KIF6: variants seen among roughly 807,000 people sequenced by gnomAD.
The protein encoded by KIF6 is kinesin-like protein KIF6.
In KIF6, 106 loss-of-function variants were observed where a neutral mutation model predicts 112.7. That is an observed-to-expected ratio of 0.94 (90% CI 0.80 to 1.11). KIF6 has a LOEUF of 1.11. KIF6 is among the 50% of genes least tolerant of loss of function. The pLI is 0.00. For synonymous variants in KIF6, 339 were observed against 339.9 expected, an observed-to-expected ratio of 1.00 and a Z score of 0.03; for missense variants, 929 against 964.0, an observed-to-expected ratio of 0.96 and a Z score of 0.48.
chr6:39,591,462 G>C (rs1255721555), intron 7 of KIF6, among the ~76,000 whole-genome samples: 2 of 152,146 alleles, frequency 1.3e-5, no homozygotes, highest in East Asian at 3.9e-4. Context: ...ATGTTTTAAA[G>C]ATTAATAGAG....
At chr6:39,587,806 A>G (rs972688547) in intron 7 of KIF6, among the ~76,000 whole-genome samples, 1 of 151,972 alleles carries the variant, frequency 6.6e-6, no homozygotes, top group African/African-American at 2.4e-5. Context: ...TTCTCCTACA[A>G]TTACCTCCTC....
chr6:39,515,796 A>G (rs1380929442), intron 13 of KIF6, among the ~76,000 whole-genome samples: 1 of 152,176 alleles, frequency 6.6e-6, no homozygotes, highest in Non-Finnish European at 1.5e-5. Context: ...TCAAATTCCA[A>G]GACAATAATT....
intron 13 of KIF6, among the ~76,000 whole-genome samples, chr6:39,523,736 C>T (rs1777541524): frequency 7.7e-6 from 1 of 130,370 alleles, no homozygotes; most frequent in Non-Finnish European, 1.6e-5. Flanking sequence ...ACTACCTCTT[C>T]CAGACAGGTT....
intron 15 of KIF6, among the ~76,000 whole-genome samples, chr6:39,404,787 C>A (rs941261533): frequency 6.6e-5 from 10 of 151,986 alleles, no homozygotes; most frequent in African/African-American, 1.9e-4. Flanking sequence ...TATATTGAGT[C>A]TTTTAATCCA....
chr6:39,623,715 T>C (rs1783943778), intron 5 of KIF6, among the ~76,000 whole-genome samples: 1 of 152,160 alleles, frequency 6.6e-6, no homozygotes, highest in Non-Finnish European at 1.5e-5. Flanking sequence ...TAGAATTCAA[T>C]GTAAAAACAC....
At chr6:39,347,137 C>G (rs1230278590) in intron 19 of KIF6, among the ~76,000 whole-genome samples, 2 of 152,204 alleles carry the variant, frequency 1.3e-5, no homozygotes, top group African/African-American at 2.4e-5. Context: ...CATGAGAAAA[C>G]TGAGGCTTAG....
At chr6:39,536,718 G>A (rs1778449948) in intron 13 of KIF6, among the ~76,000 whole-genome samples, 2 of 151,192 alleles carry the variant, frequency 1.3e-5, no homozygotes, top group South Asian at 4.2e-4. Flanking sequence ...CATTTTATGA[G>A]GCCAGCATCA....
chr6:39,373,278 G>T (rs769399510), intron 16 of KIF6, among the ~76,000 whole-genome samples: 163 of 152,330 alleles, frequency 1.1e-3, no homozygotes, highest in Non-Finnish European at 1.2e-3. Context: ...GCCCCTTCTT[G>T]GATGTGATTG....
At chr6:39,381,099 G>A (rs1766892341) in intron 16 of KIF6, among the ~76,000 whole-genome samples, 1 of 152,038 alleles carries the variant, frequency 6.6e-6, no homozygotes, top group Non-Finnish European at 1.5e-5. Context: ...CTAAATCTTT[G>A]TTCCTTTGGG....
At chr6:39,369,739 C>A (rs1765825319) in intron 16 of KIF6, among the ~76,000 whole-genome samples, 1 of 152,172 alleles carries the variant, frequency 6.6e-6, no homozygotes, top group Non-Finnish European at 1.5e-5. Flanking sequence ...ACCCTAGGGC[C>A]ATACACCATA....
chr6:39,420,727 C>T (rs115436067), intron 14 of KIF6, among the ~76,000 whole-genome samples: 186 of 152,198 alleles, frequency 1.2e-3, no homozygotes, highest in African/African-American at 4.4e-3. Context: ...TACACGTATC[C>T]ACCCCGTCTT....
At chr6:39,592,473 G>A (rs1406481953) in intron 7 of KIF6, among the ~76,000 whole-genome samples, 1 of 152,144 alleles carries the variant, frequency 6.6e-6, no homozygotes, top group Admixed American at 6.5e-5. Flanking sequence ...AAAACTCTGA[G>A]AAAGTCCCAT....
chr6:39,540,081 G>A lies in KIF6; in HGVS notation c.1567C>T (p.Arg523Ter), dbSNP rs145150015. The A allele has an allele frequency of 9.5e-5, 153 of 1,614,078 alleles. No homozygotes were observed. The highest frequency in any genetic ancestry group is 1.1e-4 in the Non-Finnish European group (133 of 1,179,986). Residue 523 changes from arginine to a stop codon, truncating the protein, a stop_gained, in exon 13 of 23, where the codon CGA (arginine) becomes TGA (stop). Transcript: ENST00000287152. LOFTEE classifies it high-confidence loss of function. ...GCCTGTGAGGGAGCTGAGGATAGTC[G>A]CATTCTTTGACCTTCTTCTGGGTTT... ...LGNPEEGQRMRLSSAPSQAQD... is the reference protein window; with the variant it reads ...LGNPEEGQRM
At chr6:39,701,459 C>T (rs545448727) in intron 3 of KIF6, among the ~76,000 whole-genome samples, 1 of 152,360 alleles carries the variant, frequency 6.6e-6, no homozygotes, top group African/African-American at 2.4e-5. Flanking sequence ...GTGCCCGAGC[C>T]TGCCTGCGCA....
chr6:39,412,400 G>C (rs1769547082), intron 15 of KIF6, among the ~76,000 whole-genome samples: 1 of 152,140 alleles, frequency 6.6e-6, no homozygotes, highest in Non-Finnish European at 1.5e-5. Flanking sequence ...AGATGCTTTT[G>C]TGTCTTGCTT....
intron 3 of KIF6, among the ~76,000 whole-genome samples, chr6:39,711,430 G>C (rs1369515435): frequency 1.3e-5 from 2 of 152,106 alleles, no homozygotes; most frequent in African/African-American, 4.8e-5. Context: ...GCTATACCCA[G>C]TCAAATGGCT....
intron 1 of KIF6, among the ~76,000 whole-genome samples, chr6:39,722,455 T>A (rs1298282937): frequency 1.3e-5 from 2 of 152,186 alleles, no homozygotes; most frequent in Admixed American, 1.3e-4. Context: ...AGTGCAAGGA[T>A]GATTATGAAA....
chr6:39,659,747 C>G (rs891433025), intron 3 of KIF6, among the ~76,000 whole-genome samples: 2 of 152,298 alleles, frequency 1.3e-5, no homozygotes, highest in South Asian at 2.1e-4. Context: ...CTGAGGCCTT[C>G]CCAGCAAAAG....
At chr6:39,368,747 T>A (rs912674246) in intron 16 of KIF6, among the ~76,000 whole-genome samples, 3 of 152,242 alleles carry the variant, frequency 2.0e-5, no homozygotes, top group Non-Finnish European at 4.4e-5. Flanking sequence ...GCCTGTTCCA[T>A]GCCCTTGGCT....
Sources: gnomAD v4.1 joint callset for allele counts (sites outside exome capture counted in the v4.1 genomes callset) on GRCh38, gnomAD v4.1.1 for gene constraint, MANE v1.5 for transcripts, NCBI Gene and HGNC (gene_info 2026-07-23, HGNC 2026-07-21) for gene names.